Variants in GRIP1 observed in about 807,000 individuals in gnomAD.
GRIP1 encodes the protein glutamate receptor-interacting protein 1.
In GRIP1, 45 loss-of-function variants were observed where a neutral mutation model predicts 129.9. That is an observed-to-expected ratio of 0.35 (90% CI 0.27 to 0.44). The LOEUF (loss-of-function observed/expected upper bound fraction) is 0.44. GRIP1 is among the 20% of genes least tolerant of loss of function. The pLI is 1.00. For missense variants in GRIP1, 1,196 were observed against 1,396.8 expected (o/e 0.86, Z 2.29); for synonymous variants, 530 against 520.8 (o/e 1.02, Z -0.24).
chr12:66,722,872 G>A (rs761719191), intron 1 of GRIP1, among the ~76,000 whole-genome samples: 8 of 152,064 alleles, frequency 5.3e-5, no homozygotes, highest in Admixed American at 2.6e-4. Context: ...CCCCAGTCAC[G>A]TTACTTGAAA....
chr12:66,981,085 T>C (rs745787630), intron 1 of GRIP1, among the ~76,000 whole-genome samples: 1 of 152,192 alleles, frequency 6.6e-6, no homozygotes, highest in Non-Finnish European at 1.5e-5. Context: ...GAAGCTCCTA[T>C]TTATGTTAAC....
At chr12:66,762,987 T>C (rs141662234) in intron 1 of GRIP1, among the ~76,000 whole-genome samples, 4 of 152,308 alleles carry the variant, frequency 2.6e-5, no homozygotes, top group African/African-American at 9.6e-5. Context: ...CTGATCATCA[T>C]AGTCTTGATA....
intron 2 of GRIP1, among the ~76,000 whole-genome samples, chr12:66,549,856 G>A (rs1456691737): frequency 6.6e-6 from 1 of 151,958 alleles, no homozygotes; most frequent in East Asian, 1.9e-4. Flanking sequence ...TGATGGGAGG[G>A]CTGGATTAAT....
intron 8 of GRIP1, among the ~76,000 whole-genome samples, chr12:66,464,957 T>TC (rs1226559518): frequency 3.6e-5 from 5 of 138,782 alleles, no homozygotes; most frequent in African/African-American, 9.3e-5. Flanking sequence ...TTTCTTTCTT[T>TC]TTTTTTTTTT....
At chr12:66,865,378 CT>C (rs1455449969) in intron 1 of GRIP1, among the ~76,000 whole-genome samples, 1 of 151,852 alleles carries the variant, frequency 6.6e-6, no homozygotes, top group African/African-American at 2.4e-5. Context: ...AAGATTATAA[CT>C]TTTTTCTTTA....
At chr12:66,800,445 T>G (rs1000407882) in intron 1 of GRIP1, among the ~76,000 whole-genome samples, 2 of 152,186 alleles carry the variant, frequency 1.3e-5, no homozygotes, top group African/African-American at 2.4e-5. Flanking sequence ...CAAATTCTTC[T>G]TTCTCAAGTA....
At chr12:66,766,005 C>G (rs2037624597) in intron 1 of GRIP1, among the ~76,000 whole-genome samples, 1 of 152,152 alleles carries the variant, frequency 6.6e-6, no homozygotes, top group Non-Finnish European at 1.5e-5. Flanking sequence ...CACCATCTAA[C>G]TTTCTACACC....
chr12:66,932,153 TA>T (rs1185952087), intron 1 of GRIP1, among the ~76,000 whole-genome samples: 2 of 151,926 alleles, frequency 1.3e-5, no homozygotes, highest in East Asian at 3.9e-4. Context: ...GCCACCAATA[TA>T]AAGGCTCCTG....
chr12:66,578,239 T>TTTTTTG, intron 2 of GRIP1, among the ~76,000 whole-genome samples: 1 of 133,532 alleles, frequency 7.5e-6, no homozygotes, highest in African/African-American at 3.1e-5. Context: ...GCGGTTTTTT[T>TTTTTTG]TTTTTTTTTT....
intron 1 of GRIP1, among the ~76,000 whole-genome samples, chr12:66,826,368 G>A (rs2039413442): frequency 6.6e-6 from 1 of 152,028 alleles, no homozygotes; most frequent in Non-Finnish European, 1.5e-5. Context: ...GGGTTGATGG[G>A]TGCAGCAAAC....
chr12:66,778,118 T>C (rs545571801), intron 1 of GRIP1, among the ~76,000 whole-genome samples: 141 of 152,224 alleles, frequency 9.3e-4, no homozygotes, highest in Non-Finnish European at 1.7e-3. Context: ...ACTGGTATAA[T>C]AAAATACATC....
At chr12:66,691,864 G>A (rs534230397) in intron 1 of GRIP1, among the ~76,000 whole-genome samples, 61 of 152,268 alleles carry the variant, frequency 4.0e-4, no homozygotes, top group African/African-American at 1.3e-3. Flanking sequence ...GCATGCTAAT[G>A]GAAATGCACC....
chr12:66,657,226 C>G (rs2033211604), intron 1 of GRIP1, among the ~76,000 whole-genome samples: 1 of 152,092 alleles, frequency 6.6e-6, no homozygotes, highest in African/African-American at 2.4e-5. Flanking sequence ...AGCAAGGGTC[C>G]TGAAAGGAAG....
At chr12:66,565,085 C>A (rs942496492) in intron 2 of GRIP1, among the ~76,000 whole-genome samples, 2 of 152,188 alleles carry the variant, frequency 1.3e-5, no homozygotes, top group Admixed American at 6.5e-5. Flanking sequence ...CTGGTTCACT[C>A]TGATGGTAGT....
At chr12:66,576,419 T>C (rs1185910775) in intron 2 of GRIP1, among the ~76,000 whole-genome samples, 1 of 152,232 alleles carries the variant, frequency 6.6e-6, no homozygotes, top group Non-Finnish European at 1.5e-5. Flanking sequence ...TTGAAGCTAA[T>C]TCATTGCTAA....
chr12:66,379,367 C>T lies in GRIP1; in HGVS notation c.2534G>A (p.Ser845Asn). 3 of 1,614,066 alleles carry T rather than the reference C, an allele frequency of 1.9e-6. No homozygotes were observed. Among genetic ancestry groups the T allele is most frequent in the Non-Finnish European group, 2.5e-6 (3 of 1,179,908 alleles). ...TCGAGGCTTAGTGACTGGGGACAAG[C>T]TGCCTCTCTGTTTTGGACTCCTCCA... is the stretch of plus-strand genomic sequence containing the variant. ...YDWRSPKQRGSLSPVTKPRSQ... is the reference protein window; with the variant it reads ...YDWRSPKQRGNLSPVTKPRSQ... Residue 845 changes from serine to asparagine, a missense_variant, in exon 20 of 25, where the codon AGC becomes AAC. Around this residue, in one of 5 missense-constraint regions of GRIP1, gnomAD observed 427 missense variants for 463.3 expected, o/e 0.92. Coordinates refer to ENST00000359742, the MANE Select transcript of GRIP1 (RefSeq NM_001366722.1).
chr12:66,656,180 G>A (rs904237110), intron 1 of GRIP1, among the ~76,000 whole-genome samples: 8 of 152,150 alleles, frequency 5.3e-5, no homozygotes, highest in African/African-American at 1.7e-4. Context: ...CTCAACAAAT[G>A]ATTGTCAAAT....
intron 1 of GRIP1, among the ~76,000 whole-genome samples, chr12:66,971,195 ACTGT>A (rs1167436631): frequency 6.6e-6 from 1 of 152,070 alleles, no homozygotes; most frequent in Admixed American, 6.6e-5. Context: ...CTTAGCTGTG[ACTGT>A]CTGAATGTAC....
chr12:66,961,225 G>A (rs1027011354), intron 1 of GRIP1, among the ~76,000 whole-genome samples: 1 of 152,054 alleles, frequency 6.6e-6, no homozygotes, highest in Non-Finnish European at 1.5e-5. Context: ...GACGGAGGAG[G>A]AGCAAACAAA....
Sources: gnomAD v4.1 joint callset for allele counts (sites outside exome capture counted in the v4.1 genomes callset) on GRCh38, gnomAD v4.1.1 for gene constraint, gnomAD v4.1.1 regional missense constraint, MANE v1.5 for transcripts, NCBI Gene and HGNC (gene_info 2026-07-23, HGNC 2026-07-21) for gene names.